Variants in MAPK8 observed in about 807,000 individuals in gnomAD.
MAPK8 encodes the protein mitogen-activated protein kinase 8.
In MAPK8, 13 loss-of-function variants were observed where a neutral mutation model predicts 52.9. That is an observed-to-expected ratio of 0.25 (90% CI 0.16 to 0.39). The LOEUF is 0.39. Ranked by LOEUF, MAPK8 falls within the 10% of genes least tolerant of loss-of-function variation. The pLI is 1.00. For synonymous variants in MAPK8, 191 were observed against 169.8 expected (o/e 1.12, Z -0.97); for missense variants, 300 against 519.2 (o/e 0.58, Z 4.10).
chr10:48,357,746 T>C (rs2132499674), intron 1 of MAPK8, among the ~76,000 whole-genome samples: 1 of 152,236 alleles, frequency 6.6e-6, no homozygotes, highest in African/African-American at 2.4e-5. Context: ...TAACATAAAT[T>C]TATTATTTGT....
intron 1 of MAPK8, among the ~76,000 whole-genome samples, chr10:48,359,060 A>G (rs916205560): frequency 1.3e-5 from 2 of 152,202 alleles, no homozygotes; most frequent in African/African-American, 4.8e-5. Context: ...TTTATCTTAT[A>G]AAAAACCCGA....
At chr10:48,385,788 C>G (rs965709953) in intron 1 of MAPK8, among the ~76,000 whole-genome samples, 2 of 152,082 alleles carry the variant, frequency 1.3e-5, no homozygotes, top group African/African-American at 2.4e-5. Flanking sequence ...ATTTGGTTAT[C>G]ATAATCAAAT....
At chr10:48,406,476 A>C (rs1022787619) in intron 3 of MAPK8, among the ~76,000 whole-genome samples, 14 of 152,302 alleles carry the variant, frequency 9.2e-5, no homozygotes, top group Non-Finnish European at 1.5e-4. Context: ...ATGACTAAGC[A>C]TGTCTCACAT....
At position 48,427,062 on chromosome 10, in the gene MAPK8, T is replaced by C; in HGVS notation, c.997-18T>C. On this transcript the variant is annotated intron_variant, in intron 9 of 11. Coordinates refer to ENST00000374189, the MANE Select transcript of MAPK8 (RefSeq NM_001323329.2). ...TCCCAGCATACTGACTTGGTTATTA[T>C]TGCCTTGTGTTTTTCAGCCACCACC... The C allele has an allele frequency of 6.2e-7, 1 of 1,606,072 alleles. No individual in the cohort carries two copies. The highest frequency in any genetic ancestry group is 1.7e-4 in the Middle Eastern group (1 of 6,032).
rs1213886209 is a variant in MAPK8 at position 48,306,755 on chromosome 10, G to C, written c.-116G>C. ...CGAGCAGCGCTGGGTAACGGCCGCGGCGACCACCCCGGACGGCCCCTGTCC... is the reference window on the plus strand; with the variant it reads ...CGAGCAGCGCTGGGTAACGGCCGCGCCGACCACCCCGGACGGCCCCTGTCC... On this transcript the variant is annotated 5_prime_UTR_variant, in exon 1 of 12. Transcript: ENST00000374189. The C allele has an allele frequency of 1.3e-5, 2 of 151,626 alleles. No homozygotes were observed. Among genetic ancestry groups the C allele is most frequent in the East Asian group, 1.9e-4 (1 of 5,156 alleles). 9.4% of individuals were successfully genotyped at this position (151,626 alleles called of 1,614,324 possible).
intron 11 of MAPK8, among the ~76,000 whole-genome samples, chr10:48,431,742 G>C (rs1395523136): frequency 6.6e-6 from 1 of 152,098 alleles, no homozygotes; most frequent in African/African-American, 2.4e-5. Flanking sequence ...TCTCTAAGAA[G>C]AAAACTGGGT....
intron 5 of MAPK8, among the ~76,000 whole-genome samples, chr10:48,416,805 G>A (rs755638855): frequency 6.6e-6 from 1 of 152,184 alleles, no homozygotes; most frequent in Non-Finnish European, 1.5e-5. Flanking sequence ...ACTGATCTCT[G>A]TGGTTCTCTA....
chr10:48,379,269 TGTAAG>T (rs1377434875), intron 1 of MAPK8, among the ~76,000 whole-genome samples: 2 of 152,192 alleles, frequency 1.3e-5, no homozygotes, highest in Non-Finnish European at 2.9e-5. Context: ...TCAGGATTCT[TGTAAG>T]GGAACAGTAT....
At chr10:48,330,436 C>T (rs1844016653) in intron 1 of MAPK8, among the ~76,000 whole-genome samples, 2 of 152,136 alleles carry the variant, frequency 1.3e-5, no homozygotes, top group African/African-American at 4.8e-5. Context: ...GTGACTTGCC[C>T]TGTGATGTGG....
chr10:48,403,146 ATAT>A (rs1430079986), intron 2 of MAPK8, among the ~76,000 whole-genome samples: 6 of 152,296 alleles, frequency 3.9e-5, no homozygotes, highest in African/African-American at 1.4e-4. Context: ...TTGACCTATA[ATAT>A]TATATTTCTT....
At chr10:48,426,614 G>T in intron 9 of MAPK8, 110 bp downstream of exon 9, 1 of 997,714 alleles carries the variant, frequency 1.0e-6, no homozygotes, top group Non-Finnish European at 1.5e-6. Flanking sequence ...GATACATGAT[G>T]ATGATGTTTT....
At chr10:48,371,314 C>T (rs1303440131) in intron 1 of MAPK8, among the ~76,000 whole-genome samples, 2 of 152,046 alleles carry the variant, frequency 1.3e-5, no homozygotes, top group Non-Finnish European at 2.9e-5. Flanking sequence ...TCGATTATTA[C>T]TCAGAGCTAT....
intron 1 of MAPK8, among the ~76,000 whole-genome samples, chr10:48,318,503 A>T (rs181272803): frequency 4.9e-4 from 75 of 152,338 alleles, no homozygotes; most frequent in African/African-American, 1.7e-3. Flanking sequence ...GTAACTGGCC[A>T]CAGGGTTTGA....
At chr10:48,321,802 A>G (rs919065828) in intron 1 of MAPK8, among the ~76,000 whole-genome samples, 3 of 152,176 alleles carry the variant, frequency 2.0e-5, no homozygotes, top group African/African-American at 4.8e-5. Flanking sequence ...GCATTCTTGA[A>G]AAAAAGGCAG....
chr10:48,389,238 A>C (rs2041492599), intron 1 of MAPK8, among the ~76,000 whole-genome samples: 3 of 152,144 alleles, frequency 2.0e-5, no homozygotes, highest in Non-Finnish European at 4.4e-5. Flanking sequence ...ATAAGGAGTG[A>C]GGTTAAATTT....
chr10:48,352,721 A>G (rs1319314024), intron 1 of MAPK8, among the ~76,000 whole-genome samples: 4 of 152,240 alleles, frequency 2.6e-5, no homozygotes, highest in African/African-American at 9.6e-5. Flanking sequence ...AAGGATGCAC[A>G]CACTCACAAC....
chr10:48,370,589 G>A (rs1848451934), intron 1 of MAPK8, among the ~76,000 whole-genome samples: 1 of 152,094 alleles, frequency 6.6e-6, no homozygotes, highest in Non-Finnish European at 1.5e-5. Flanking sequence ...ATAAGTGACA[G>A]TAACTCAGCT....
chr10:48,350,785 A>G (rs1273386453), intron 1 of MAPK8, among the ~76,000 whole-genome samples: 1 of 152,230 alleles, frequency 6.6e-6, no homozygotes, highest in Non-Finnish European at 1.5e-5. Flanking sequence ...GGCAAGAGAA[A>G]TAAATAAGGG....
At chr10:48,348,202 G>C (rs1483736634) in intron 1 of MAPK8, among the ~76,000 whole-genome samples, 2 of 152,212 alleles carry the variant, frequency 1.3e-5, no homozygotes, top group Non-Finnish European at 2.9e-5. Context: ...TTTGAGAAGT[G>C]TCTGTTCATA....
Sources: gnomAD v4.1 joint callset for allele counts (sites outside exome capture counted in the v4.1 genomes callset) on GRCh38, gnomAD v4.1.1 for gene constraint, MANE v1.5 for transcripts, NCBI Gene and HGNC (gene_info 2026-07-23, HGNC 2026-07-21) for gene names.